The following HS3ST5 variants were observed in gnomAD, a reference collection of about 807,000 sequenced individuals.
HS3ST5 encodes heparan sulfate-glucosamine 3-sulfotransferase 5.
A neutral mutation model predicts 25.4 loss-of-function variants in HS3ST5; 10 were observed. The observed-to-expected ratio is 0.39, with a 90% CI of 0.24 to 0.67. The LOEUF (loss-of-function observed/expected upper bound fraction) is 0.67, where lower values mean the gene tolerates loss of function less well. Ranked by LOEUF, HS3ST5 falls within the 30% of genes least tolerant of loss-of-function variation. HS3ST5 has a pLI of 0.44. For missense variants in HS3ST5, 324 were observed against 420.7 expected, an observed-to-expected ratio of 0.77 and a Z score of 2.01; for synonymous variants, 170 against 162.4, an observed-to-expected ratio of 1.05 and a Z score of -0.36.
At chr6:114,116,180 G>A (rs913829160) in intron 3 of HS3ST5, 1 of 151,884 alleles carries the variant, frequency 6.6e-6, no homozygotes, top group African/African-American at 2.4e-5. Flanking sequence ...TGAGACTGCT[G>A]GTAAGAACTG....
chr6:114,110,243 C>G (rs947023886), intron 3 of HS3ST5, among the ~76,000 whole-genome samples: 1 of 151,996 alleles, frequency 6.6e-6, no homozygotes, highest in Non-Finnish European at 1.5e-5. Flanking sequence ...AAATATGTAA[C>G]TGTGGCCTAG....
intron 2 of HS3ST5, among the ~76,000 whole-genome samples, chr6:114,200,076 G>T (rs1422712586): frequency 6.6e-6 from 1 of 152,186 alleles, no homozygotes; most frequent in Non-Finnish European, 1.5e-5. Flanking sequence ...AATTAGCTGG[G>T]CGTGGTAGCA....
At chr6:114,087,967 A>G in intron 3 of HS3ST5, among the ~76,000 whole-genome samples, 1 of 152,226 alleles carries the variant, frequency 6.6e-6, no homozygotes, top group East Asian at 1.9e-4. Context: ...GCCCCTAGCC[A>G]TGAGCACAGC....
In HS3ST5 at chr6:114,197,304, T is replaced by G. The variant is rs142980897; in HGVS notation, c.-144-28842A>C. Among the ~76,000 whole-genome samples the G allele has an allele frequency of 2.0e-3, 299 of 152,212 alleles. 6 individuals are homozygous for G. The highest frequency in any genetic ancestry group is 0.014 in the East Asian group (74 of 5,184). ...TGTTGTCAGTCCCATACAAATTTAA[T>G]AACTGCACCTTAAAAACATTTTAAT... On this transcript the variant is annotated intron_variant, in intron 2 of 4. Coordinates refer to ENST00000312719, the MANE Select transcript of HS3ST5 (RefSeq NM_153612.4).
chr6:114,326,347 G>A lies in HS3ST5; in HGVS notation c.-339+15848C>T, dbSNP rs144780708. ...GGAGTTTGCAGTGAACGGAGATCAC[G>A]CCACTGCACTCCAGCCTGGGTGACA... On this transcript the variant is annotated intron_variant, in intron 1 of 4. Coordinates refer to ENST00000312719, the MANE Select transcript of HS3ST5 (RefSeq NM_153612.4). 1.7e-3 allele frequency among the ~76,000 whole-genome samples: 265 copies of A among 152,202 alleles called. 1 individual carries two copies. Among genetic ancestry groups the A allele is most frequent in the Middle Eastern group, 3.4e-3 (1 of 294 alleles).
rs149696647 is a variant in HS3ST5 at position 114,175,485 on chromosome 6, T to A, written c.-144-7023A>T. ...CAAAGTGAAATTGCATTAGCTGACC[T>A]CCTCAGACCACCTCTGAAATACAGT... On this transcript the variant is annotated intron_variant, in intron 2 of 4. Transcript: ENST00000312719. Among the ~76,000 whole-genome samples, 7 of 152,304 alleles carry A rather than the reference T, an allele frequency of 4.6e-5. No individual in the cohort carries two copies. The East Asian group carries it at 1.2e-3, about 25-fold the overall frequency.
chr6:114,096,093 C>T (rs1033338815), intron 3 of HS3ST5, among the ~76,000 whole-genome samples: 3 of 152,092 alleles, frequency 2.0e-5, no homozygotes, highest in Non-Finnish European at 2.9e-5. Flanking sequence ...CTTCAGGAAG[C>T]GTTCACTCAC....
intron 2 of HS3ST5, among the ~76,000 whole-genome samples, chr6:114,207,005 G>A (rs1048765396): frequency 2.6e-5 from 4 of 152,136 alleles, no homozygotes; most frequent in Non-Finnish European, 5.9e-5. Context: ...ATTAAGGCTA[G>A]AGGATACAGT....
intron 3 of HS3ST5, among the ~76,000 whole-genome samples, chr6:114,149,082 C>G (rs938071378): frequency 1.3e-5 from 2 of 152,190 alleles, no homozygotes; most frequent in African/African-American, 4.8e-5. Context: ...CAGGAAACAA[C>G]AGATGCTGGT....
intron 3 of HS3ST5, among the ~76,000 whole-genome samples, chr6:114,119,630 T>G (rs1776685906): frequency 6.6e-6 from 1 of 152,154 alleles, no homozygotes; most frequent in Non-Finnish European, 1.5e-5. Flanking sequence ...GATATCCTAA[T>G]TATAAATTTT....
intron 3 of HS3ST5, among the ~76,000 whole-genome samples, chr6:114,073,581 A>G (rs1480359937): frequency 1.3e-5 from 2 of 152,254 alleles, no homozygotes; most frequent in Non-Finnish European, 2.9e-5. Flanking sequence ...GATCAAAACT[A>G]CAATGAGATA....
intron 2 of HS3ST5, among the ~76,000 whole-genome samples, chr6:114,184,742 C>G (rs1372872203): frequency 1.3e-5 from 2 of 152,242 alleles, no homozygotes; most frequent in Non-Finnish European, 2.9e-5. Flanking sequence ...GACAGGATTG[C>G]TACCCCGGTG....
At chr6:114,184,054 CTTTTTT>C (rs34370810) in intron 2 of HS3ST5, among the ~76,000 whole-genome samples, 4 of 78,686 alleles carry the variant, frequency 5.1e-5, no homozygotes, top group South Asian at 5.8e-4. Context: ...TTTTTCCTTT[CTTTTTT>C]TTTTTTTTTT....
chr6:114,072,974 C>T (rs1474461779), intron 3 of HS3ST5, among the ~76,000 whole-genome samples: 1 of 152,106 alleles, frequency 6.6e-6, no homozygotes. Flanking sequence ...GAACAGAGGC[C>T]TCAGAAATAA....
At chr6:114,156,754 A>T (rs1313498780) in intron 3 of HS3ST5, among the ~76,000 whole-genome samples, 1 of 151,870 alleles carries the variant, frequency 6.6e-6, no homozygotes, top group African/African-American at 2.4e-5. Context: ...CTCAGTGGTC[A>T]TCATGATAAC....
At chr6:114,087,318 C>T (rs1406000350) in intron 3 of HS3ST5, among the ~76,000 whole-genome samples, 3 of 152,186 alleles carry the variant, frequency 2.0e-5, no homozygotes, top group East Asian at 1.9e-4. Flanking sequence ...CTTCCATTTC[C>T]ACCTGTAGAA....
At chr6:114,096,409 T>G (rs1357471025) in intron 3 of HS3ST5, among the ~76,000 whole-genome samples, 4 of 152,168 alleles carry the variant, frequency 2.6e-5, no homozygotes, top group Non-Finnish European at 4.4e-5. Context: ...AAGTGTACGC[T>G]TTTACCAGTT....
intron 3 of HS3ST5, among the ~76,000 whole-genome samples, chr6:114,096,999 T>G (rs954115433): frequency 4.6e-5 from 7 of 152,114 alleles, no homozygotes; most frequent in Non-Finnish European, 1.0e-4. Context: ...AAAGGAATAA[T>G]GTGCTTCATT....
chr6:114,112,573 A>G (rs994016227), intron 3 of HS3ST5: 2 of 152,206 alleles, frequency 1.3e-5, no homozygotes, highest in African/African-American at 2.4e-5. Flanking sequence ...GTTAAATTCA[A>G]CTATCTACTT....
Sources: gnomAD v4.1 joint callset for allele counts (sites outside exome capture counted in the v4.1 genomes callset) on GRCh38, gnomAD v4.1.1 for gene constraint, MANE v1.5 for transcripts, NCBI Gene and HGNC (gene_info 2026-07-23, HGNC 2026-07-21) for gene names.